The following SLX4IP variants were observed in gnomAD, a reference collection of about 807,000 sequenced individuals.
SLX4IP encodes protein SLX4IP.
Under a neutral mutation model 32.9 loss-of-function variants are expected in SLX4IP, and 34 were observed. That is an observed-to-expected ratio of 1.03 (90% CI 0.79 to 1.38). SLX4IP has a LOEUF of 1.38. Among genes scored for constraint, SLX4IP ranks in the 40% most tolerant of loss-of-function variants. SLX4IP has a pLI of 0.00. For missense variants in SLX4IP, 444 were observed against 479.0 expected (o/e 0.93, Z 0.68); for synonymous variants, 172 against 171.7 (o/e 1.00, Z -0.01).
intron 4 of SLX4IP, among the ~76,000 whole-genome samples, chr20:10,583,515 C>G (rs2066609258): frequency 6.6e-6 from 1 of 152,112 alleles, no homozygotes; most frequent in Admixed American, 6.6e-5. Flanking sequence ...CTGGAATTTC[C>G]CACATTTGGA....
intron 1 of SLX4IP, among the ~76,000 whole-genome samples, chr20:10,457,271 C>T (rs898540015): frequency 2.6e-5 from 4 of 152,044 alleles, no homozygotes; most frequent in African/African-American, 4.8e-5. Flanking sequence ...CAAGAGCAGA[C>T]GTTTCATGTA....
At chr20:10,547,230 C>T (rs1019490310) in intron 2 of SLX4IP, among the ~76,000 whole-genome samples, 11 of 152,198 alleles carry the variant, frequency 7.2e-5, no homozygotes, top group Admixed American at 2.6e-4. Flanking sequence ...CTTTTAGAAG[C>T]TGCTGTCAAA....
chr20:10,471,800 A>G (rs2065427048), intron 2 of SLX4IP, among the ~76,000 whole-genome samples: 1 of 152,220 alleles, frequency 6.6e-6, no homozygotes, highest in Admixed American at 6.5e-5. Context: ...GTTACTGACC[A>G]GGCTACAAAG....
chr20:10,620,279 A>G (rs1373334375), intron 6 of SLX4IP, among the ~76,000 whole-genome samples: 2 of 152,230 alleles, frequency 1.3e-5, no homozygotes, highest in Non-Finnish European at 2.9e-5. Context: ...TATCTACTTG[A>G]TAACCAAAAG....
chr20:10,527,465 A>G (rs939577786), intron 2 of SLX4IP, among the ~76,000 whole-genome samples: 2 of 152,192 alleles, frequency 1.3e-5, no homozygotes, highest in African/African-American at 4.8e-5. Context: ...TAAACTCTCT[A>G]CAGAATCCTC....
At chr20:10,528,295 C>G (rs1263486699) in intron 2 of SLX4IP, among the ~76,000 whole-genome samples, 1 of 152,020 alleles carries the variant, frequency 6.6e-6, no homozygotes, top group Non-Finnish European at 1.5e-5. Context: ...TTAAATGGAC[C>G]TTCTGTGGGT....
intron 4 of SLX4IP, among the ~76,000 whole-genome samples, chr20:10,566,684 C>G (rs1171229238): frequency 6.6e-6 from 1 of 152,158 alleles, no homozygotes; most frequent in Non-Finnish European, 1.5e-5. Flanking sequence ...TTTCAATAGA[C>G]CTTTCCACCA....
intron 2 of SLX4IP, among the ~76,000 whole-genome samples, chr20:10,512,695 AGTATATATAGT>A (rs1337053791): frequency 2.2e-5 from 3 of 138,192 alleles, no homozygotes; most frequent in African/African-American, 5.4e-5. Flanking sequence ...TTTTATATAT[AGTATATATAGT>A]GTATATATAT....
chr20:10,479,476 C>G (rs1309148254), intron 2 of SLX4IP, among the ~76,000 whole-genome samples: 2 of 151,204 alleles, frequency 1.3e-5, no homozygotes. Flanking sequence ...CCTCAGCCTC[C>G]TGAGTAGCTG....
intron 1 of SLX4IP, among the ~76,000 whole-genome samples, chr20:10,452,664 C>CAAAA (rs71332999): frequency 3.4e-5 from 4 of 117,930 alleles, no homozygotes; most frequent in Admixed American, 9.7e-5. Context: ...GAAACTGTCT[C>CAAAA]AAAAAAAAAA....
At chr20:10,618,457 A>G (rs1279530339) in intron 6 of SLX4IP, among the ~76,000 whole-genome samples, 6 of 152,248 alleles carry the variant, frequency 3.9e-5, no homozygotes, top group Non-Finnish European at 8.8e-5. Flanking sequence ...CTGGAAATGG[A>G]GTATACCAAG....
intron 2 of SLX4IP, among the ~76,000 whole-genome samples, chr20:10,554,578 T>C (rs599496): frequency 0.59 from 89,719 of 151,932 alleles, 26,879 homozygotes; most frequent in South Asian, 0.75. Flanking sequence ...GTCTGGGTTG[T>C]TCCATATCCT....
intron 2 of SLX4IP, among the ~76,000 whole-genome samples, chr20:10,526,285 C>T (rs919882943): frequency 6.6e-6 from 1 of 152,162 alleles, no homozygotes; most frequent in Non-Finnish European, 1.5e-5. Flanking sequence ...GGAAATCATG[C>T]TCTTTCTCAA....
At chr20:10,509,741 G>C (rs1395629947) in intron 2 of SLX4IP, among the ~76,000 whole-genome samples, 1 of 151,700 alleles carries the variant, frequency 6.6e-6, no homozygotes, top group Non-Finnish European at 1.5e-5. Flanking sequence ...TTCTTGCCCA[G>C]GCTGGAATGC....
At chr20:10,576,995 G>A (rs1218594735) in intron 4 of SLX4IP, among the ~76,000 whole-genome samples, 2 of 152,034 alleles carry the variant, frequency 1.3e-5, no homozygotes, top group Non-Finnish European at 2.9e-5. Flanking sequence ...TTAACCCTGT[G>A]TATTCTTAGA....
intron 4 of SLX4IP, among the ~76,000 whole-genome samples, chr20:10,590,706 C>T (rs1049256678): frequency 6.6e-6 from 1 of 152,040 alleles, no homozygotes; most frequent in South Asian, 2.1e-4. Context: ...ATGATTTTAA[C>T]GTAGAAAAAC....
At chr20:10,584,494 A>T (rs2066622638) in intron 4 of SLX4IP, among the ~76,000 whole-genome samples, 1 of 152,228 alleles carries the variant, frequency 6.6e-6, no homozygotes, top group Admixed American at 6.5e-5. Context: ...TACTAATTTC[A>T]TTATAACATA....
chr20:10,620,164 A>T (rs1214180020), intron 6 of SLX4IP, among the ~76,000 whole-genome samples: 1 of 152,174 alleles, frequency 6.6e-6, no homozygotes, highest in Non-Finnish European at 1.5e-5. Flanking sequence ...ACCTACTGAC[A>T]ACTTACTAAA....
At chr20:10,590,498 T>C (rs2122536701) in intron 4 of SLX4IP, among the ~76,000 whole-genome samples, 1 of 151,864 alleles carries the variant, frequency 6.6e-6, no homozygotes, top group Non-Finnish European at 1.5e-5. Context: ...GTAGCTGGGA[T>C]TACAGGCGCA....
Sources: allele counts gnomAD v4.1 joint callset (sites outside exome capture counted in the v4.1 genomes callset), GRCh38; gene constraint gnomAD v4.1.1; transcripts MANE v1.5; gene names NCBI Gene and HGNC (gene_info 2026-07-23, HGNC 2026-07-21).